The following HDAC4 variants were observed in gnomAD, a reference collection of about 807,000 sequenced individuals.
HDAC4 encodes histone deacetylase A.
In HDAC4, 16 loss-of-function variants were observed where a neutral mutation model predicts 135.1. The ratio of observed to expected loss-of-function variants is 0.12; its 90% confidence interval spans 0.08 to 0.18. The LOEUF (loss-of-function observed/expected upper bound fraction) is 0.18, where lower values mean the gene tolerates loss of function less well. Ranked by LOEUF, HDAC4 falls within the 10% of genes least tolerant of loss-of-function variation. HDAC4 has a pLI of 1.00. For missense variants in HDAC4, 1,143 were observed against 1,511.8 expected (o/e 0.76, Z 4.05); for synonymous variants, 685 against 653.4 (o/e 1.05, Z -0.74).
chr2:239,090,023 T>C lies in HDAC4; in HGVS notation c.2374A>G (p.Thr792Ala), dbSNP rs1388744396. 3.7e-6 allele frequency: 6 copies of C among 1,613,334 alleles called. No individual in the cohort carries two copies. Among genetic ancestry groups the C allele is most frequent in the Non-Finnish European group, 5.1e-6 (6 of 1,179,592 alleles). Reference sequence around the variant, plus strand: ...CCCCGACTGACCTTCAGCTCCCCTGTGGCCACCTTGAAGACCAGCTCTACC... The same window carrying C: ...CCCCGACTGACCTTCAGCTCCCCTGCGGCCACCTTGAAGACCAGCTCTACC... ...CVVELVFKVA[T>A]GELKNGFAVV... Residue 792 changes from threonine to alanine, a missense_variant, in exon 18 of 27, where the codon ACA becomes GCA. Transcript: ENST00000543185.
intron 3 of HDAC4, among the ~76,000 whole-genome samples, chr2:239,213,347 C>A (rs1054260917): frequency 1.3e-5 from 2 of 152,214 alleles, no homozygotes; most frequent in African/African-American, 4.8e-5. Flanking sequence ...CATGAGGTTT[C>A]TTTAAACCCA....
rs140974340 is a variant in HDAC4, at chr2:239,167,492, C to T, written c.491-3569G>A. ...GCATAGGCCTGGCCAGCAGGAAACA[C>T]GAGGAAGGTAAGTCTTCGATTCATG... is the stretch of plus-strand genomic sequence containing the variant. On this transcript the variant is annotated intron_variant, in intron 5 of 26. Transcript: ENST00000543185. The surrounding 1 kb of genome is among the most constrained non-coding windows in gnomAD (Gnocchi z 4.1). Among the ~76,000 whole-genome samples, 104 of 152,234 alleles carry T rather than the reference C, an allele frequency of 6.8e-4. No individual in the cohort carries two copies. The highest frequency in any genetic ancestry group is 2.3e-3 in the African/African-American group (94 of 41,554).
At chr2:239,235,306 C>A (rs1207388507) in intron 3 of HDAC4, among the ~76,000 whole-genome samples, 1 of 152,130 alleles carries the variant, frequency 6.6e-6, no homozygotes, top group Admixed American at 6.5e-5. Context: ...AAAACCTGGC[C>A]GACTTGGAAG....
At position 239,111,599 on chromosome 2, in the gene HDAC4, C is replaced by A. The variant is rs551843826; in HGVS notation, c.1905G>T (p.Ala635=). The change falls in exon 14 of 27, where the codon GCG becomes GCT. Residue 635 remains alanine (A), a synonymous_variant. Transcript: ENST00000543185. ...SFGGHRPLSR[A]QSSPASATFP... ...AGGTGGCAGACGCGGGTGAGGACTG[C>A]GCCCGGGACAGAGGCCTGTGGCCGC... 1.2e-6 allele frequency: 2 copies of A among 1,611,458 alleles called. No individual in the cohort carries two copies. Among genetic ancestry groups the A allele is most frequent in the Non-Finnish European group, 1.7e-6 (2 of 1,179,422 alleles).
intron 2 of HDAC4, among the ~76,000 whole-genome samples, chr2:239,310,399 C>G (rs142931352): frequency 1.3e-5 from 2 of 152,180 alleles, no homozygotes; most frequent in East Asian, 1.9e-4. Flanking sequence ...TGCTCCCCCC[C>G]GAACCAAGTA....
intron 2 of HDAC4, among the ~76,000 whole-genome samples, chr2:239,325,633 G>A (rs1205503746): frequency 6.6e-6 from 1 of 152,190 alleles, no homozygotes; most frequent in Non-Finnish European, 1.5e-5. Context: ...ACATAAAATG[G>A]TGCAGTGTTG....
chr2:239,360,393 A>T lies in HDAC4; in HGVS notation c.-219-7475T>A, dbSNP rs552853134. ...AGCAGCCATGATGCTCAGTTGGGCTAAAAAAGTAGCTCCAACAGCCACAGA... is the reference window on the plus strand; with the variant it reads ...AGCAGCCATGATGCTCAGTTGGGCTTAAAAAGTAGCTCCAACAGCCACAGA... On this transcript the variant is annotated intron_variant, in intron 1 of 26. Coordinates refer to ENST00000543185, the MANE Select transcript of HDAC4 (RefSeq NM_001378414.1). 3.3e-4 allele frequency among the ~76,000 whole-genome samples: 51 copies of T among 152,324 alleles called. No homozygotes were observed. In the South Asian group the frequency reaches 0.01, roughly 31 times the overall value.
At chr2:239,143,736 T>C (rs985688540) in intron 8 of HDAC4, among the ~76,000 whole-genome samples, 3 of 152,226 alleles carry the variant, frequency 2.0e-5, no homozygotes, top group Non-Finnish European at 2.9e-5. Context: ...ACACGGGGCA[T>C]GGCACCAGGA....
intron 9 of HDAC4, among the ~76,000 whole-genome samples, chr2:239,136,666 T>G (rs914619680): frequency 6.6e-6 from 1 of 152,158 alleles, no homozygotes. Flanking sequence ...ATCCAGAACA[T>G]GCGGGAACTC....
intron 5 of HDAC4, among the ~76,000 whole-genome samples, chr2:239,164,317 G>C (rs2042997760): frequency 6.6e-6 from 1 of 152,230 alleles, no homozygotes; most frequent in Non-Finnish European, 1.5e-5. Flanking sequence ...TGTGCAAATG[G>C]ATGCATCACG....
intron 2 of HDAC4, among the ~76,000 whole-genome samples, chr2:239,278,278 A>G (rs2050507138): frequency 6.6e-6 from 1 of 152,218 alleles, no homozygotes; most frequent in South Asian, 2.1e-4. Flanking sequence ...TTCCAAGAAG[A>G]GGTGCCCACC....
At chr2:239,080,042 G>A (rs2035150586) in intron 22 of HDAC4, among the ~76,000 whole-genome samples, 1 of 151,090 alleles carries the variant, frequency 6.6e-6, no homozygotes, top group African/African-American at 2.5e-5. Flanking sequence ...GCACACAGAT[G>A]AACACCCACC....
intron 2 of HDAC4, among the ~76,000 whole-genome samples, chr2:239,336,710 C>T (rs1045542690): frequency 6.6e-6 from 1 of 152,204 alleles, no homozygotes; most frequent in Admixed American, 6.5e-5. Flanking sequence ...CCTACCAATA[C>T]CACCTGCACA....
At chr2:239,368,126 T>A (rs1694348824) in intron 1 of HDAC4, among the ~76,000 whole-genome samples, 1 of 152,200 alleles carries the variant, frequency 6.6e-6, no homozygotes, top group South Asian at 2.1e-4. Context: ...AGAACGACAG[T>A]CAGCCTGTGC....
chr2:239,180,631 CAG>C (rs1559187982), intron 4 of HDAC4, among the ~76,000 whole-genome samples: 2 of 152,236 alleles, frequency 1.3e-5, no homozygotes, highest in Middle Eastern at 3.4e-3. Context: ...AGACAAGGGA[CAG>C]AGACAGGCAT....
chr2:239,051,882 TATAA>T lies in HDAC4; in HGVS notation c.*1211_*1214del, dbSNP rs2030907109. Reference sequence around the variant, plus strand: ...ATATATACTTTTTCTATAAATGCATTATAAATATTTTATCAAGATTTCATAAGAA... The same window carrying T: ...ATATATACTTTTTCTATAAATGCATTATATTTTATCAAGATTTCATAAGAA... On this transcript the variant is annotated 3_prime_UTR_variant, in exon 27 of 27. Coordinates refer to ENST00000543185, the MANE Select transcript of HDAC4 (RefSeq NM_001378414.1). The T allele has an allele frequency of 6.6e-6, 1 of 151,488 alleles. No individual in the cohort carries two copies. The highest frequency in any genetic ancestry group is 2.4e-5 in the African/African-American group (1 of 41,330). 9.4% of individuals were successfully genotyped at this position (151,488 alleles called of 1,614,324 possible). A position where few individuals can be genotyped will look rare whatever the true frequency, so the allele number is the denominator to read the frequency against.
chr2:239,241,490 T>A lies in HDAC4; in HGVS notation c.23-4826A>T, dbSNP rs2048173488. ...TTTGCCCCCAGTTGGGTTGTCTTTT[T>A]CTTATTGATTCAGAGGAATTCTTTA... On this transcript the variant is annotated intron_variant, in intron 2 of 26. Coordinates refer to ENST00000543185, the MANE Select transcript of HDAC4 (RefSeq NM_001378414.1). Among the ~76,000 whole-genome samples the A allele has an allele frequency of 2.0e-5, 3 of 152,236 alleles. No homozygotes were observed. The South Asian group carries it at 6.2e-4, about 32-fold the overall frequency.
intron 3 of HDAC4, among the ~76,000 whole-genome samples, chr2:239,227,250 AGG>A (rs1559253076): frequency 3.3e-5 from 5 of 152,192 alleles, no homozygotes; most frequent in Admixed American, 2.6e-4. Context: ...GGCAGAGCCC[AGG>A]GACTACTACC....
chr2:239,139,925 A>G lies in HDAC4; in HGVS notation c.866-129T>C, dbSNP rs2041245919. On this transcript the variant is annotated intron_variant, in intron 8 of 26. Transcript: ENST00000543185. The surrounding 1 kb of genome is among the most constrained non-coding windows in gnomAD (Gnocchi z 5.3). Reference sequence around the variant, plus strand: ...GCTTGCGACAGGCAGAAGTCCCAACAAAAAGAACATGGCCATGGTTTCAAA... The same window carrying G: ...GCTTGCGACAGGCAGAAGTCCCAACGAAAAGAACATGGCCATGGTTTCAAA... 2.9e-6 allele frequency: 2 copies of G among 680,276 alleles called. No homozygotes were observed. Among genetic ancestry groups the G allele is most frequent in the South Asian group, 1.7e-5 (1 of 59,712 alleles). 42.1% of individuals were successfully genotyped at this position (680,276 alleles called of 1,614,324 possible). A position where few individuals can be genotyped will look rare whatever the true frequency, so the allele number is the denominator to read the frequency against.
Sources: allele counts gnomAD v4.1 joint callset (sites outside exome capture counted in the v4.1 genomes callset), GRCh38; gene constraint gnomAD v4.1.1; non-coding constraint Gnocchi (gnomAD v3.1); transcripts MANE v1.5; gene names NCBI Gene and HGNC (gene_info 2026-07-23, HGNC 2026-07-21).